Variants in NKD2 observed in about 807,000 individuals in gnomAD.
The protein encoded by NKD2 is protein naked cuticle homolog 2.
NKD2 carries 43 observed loss-of-function variants against 34.8 expected under a neutral mutation model. That is an observed-to-expected ratio of 1.24 (90% CI 0.97 to 1.60). The LOEUF is 1.60. Ranked by LOEUF, NKD2 falls within the 40% of genes most tolerant of loss-of-function variation. The pLI is 0.00. For missense variants in NKD2, 675 were observed against 627.1 expected (o/e 1.08, Z -0.82); for synonymous variants, 278 against 265.1 (o/e 1.05, Z -0.47).
chr5:1,033,599 C>T (rs562355719), intron 5 of NKD2, 100 bp downstream of exon 5: 19 of 1,347,910 alleles, frequency 1.4e-5, no homozygotes, highest in Admixed American at 5.1e-5. Context: ...GTGGACACGG[C>T]GTAGTTCACT....
intron 9 of NKD2, chr5:1,037,595 G>A: frequency 2.0e-6 from 3 of 1,535,976 alleles, no homozygotes; most frequent in Admixed American, 3.9e-5. Context: ...GTCGGCCTTT[G>A]CAGGGAGCTG....
chr5:1,036,700 C>A (rs1054837718), intron 9 of NKD2: 2 of 543,516 alleles, frequency 3.7e-6, no homozygotes, highest in African/African-American at 1.9e-5. Flanking sequence ...TTCAGGGAAA[C>A]CCTGCCTTGG....
At position 1,009,525 on chromosome 5, in the gene NKD2, G is replaced by T. The variant is rs1755665032; in HGVS notation, c.106G>T (p.Ala36Ser). 2.7e-6 allele frequency: 4 copies of T among 1,494,918 alleles called. No individual in the cohort carries two copies. Among genetic ancestry groups the T allele is most frequent in the Non-Finnish European group, 8.8e-7 (1 of 1,131,090 alleles). The allele number at this position is 1,494,918 out of a possible 1,614,324, so 92.6% of individuals were successfully genotyped here. ...ASAYASGRKG[A>S]EEAERRARDK... ...CGCGTACGCGAGCGGCCGCAAAGGCGCGGAGGAAGCGGAGCGGCGCGCGCG... is the reference window on the plus strand; with the variant it reads ...CGCGTACGCGAGCGGCCGCAAAGGCTCGGAGGAAGCGGAGCGGCGCGCGCG... Residue 36 changes from alanine to serine, a missense_variant, in exon 3 of 10, where the codon GCG becomes TCG. Physicochemically the swap from Ala to Ser is moderately conservative, Grantham distance 99 (BLOSUM62 1). Coordinates refer to ENST00000296849, the MANE Select transcript of NKD2 (RefSeq NM_033120.4). This position sits in a 1 kb window ranked among gnomAD's most constrained non-coding sequence, Gnocchi z 6.9.
intron 3 of NKD2, among the ~76,000 whole-genome samples, chr5:1,027,538 C>T (rs1301855428): frequency 6.6e-6 from 1 of 152,244 alleles, no homozygotes; most frequent in Non-Finnish European, 1.5e-5. Context: ...CCTCCACCCT[C>T]CCAACTCGTG....
intron 3 of NKD2, among the ~76,000 whole-genome samples, chr5:1,019,354 T>C (rs1474105216): frequency 1.3e-5 from 2 of 152,174 alleles, no homozygotes; most frequent in Non-Finnish European, 2.9e-5. Context: ...CTGAACAATT[T>C]TTACCTCTCA....
chr5:1,034,221 A>C lies in NKD2; in HGVS notation c.331-14A>C. 6.2e-7 allele frequency: 1 copy of C among 1,602,354 alleles called. No individual in the cohort carries two copies. Among genetic ancestry groups the C allele is most frequent in the Non-Finnish European group, 8.5e-7 (1 of 1,174,708 alleles). On this transcript the variant is annotated splice_polypyrimidine_tract_variant and intron_variant, in intron 5 of 9. Coordinates refer to ENST00000296849, the MANE Select transcript of NKD2 (RefSeq NM_033120.4). ...GGTAGGAGGCGAGGTCCCGGCCCCC[A>C]CGTCCCCCCACAGGCACTCCAGTGC...
At chr5:1,025,753 T>C (rs375197822) in intron 3 of NKD2, among the ~76,000 whole-genome samples, 289 of 30,384 alleles carry the variant, frequency 9.5e-3, no homozygotes, top group Middle Eastern at 0.022. Context: ...TGTGGGCGTC[T>C]CAGCCCATTG....
In NKD2 at chr5:1,009,299, C is replaced by A; in HGVS notation, c.61+85C>A. ...GCTAGGAGCCCGCGCGCGTCCTGCC[C>A]TGGAGCCAGCAGTGGGGGGACGGGG... On this transcript the variant is annotated intron_variant, in intron 2 of 9. Transcript: ENST00000296849. This position sits in a 1 kb window ranked among gnomAD's most constrained non-coding sequence, Gnocchi z 6.9. The A allele has an allele frequency of 2.0e-6, 1 of 505,802 alleles. No homozygotes were observed. 31.3% of individuals were successfully genotyped at this position (505,802 alleles called of 1,614,324 possible).
chr5:1,037,633 C>T lies in NKD2; in HGVS notation c.788-172C>T, dbSNP rs894555607. 3 of 1,535,980 alleles carry T rather than the reference C, an allele frequency of 2.0e-6. No individual in the cohort carries two copies. The African/African-American group carries it at 4.1e-5, about 21-fold the overall frequency. ...GAGCCAGGCAGGTCACCCACAGTGG[C>T]CAGGCCCCTTCCCTTCAGGGCTGGT... On this transcript the variant is annotated intron_variant, in intron 9 of 9. Coordinates refer to ENST00000296849, the MANE Select transcript of NKD2 (RefSeq NM_033120.4).
chr5:1,031,024 A>G (rs1294632459), intron 3 of NKD2, among the ~76,000 whole-genome samples: 1 of 152,120 alleles, frequency 6.6e-6, no homozygotes, highest in Non-Finnish European at 1.5e-5. Flanking sequence ...GCAGCTGGCC[A>G]GCCTGGAACC....
chr5:1,017,129 G>A (rs1042866307), intron 3 of NKD2, among the ~76,000 whole-genome samples: 3 of 152,210 alleles, frequency 2.0e-5, no homozygotes, highest in Middle Eastern at 3.2e-3. Context: ...TCACCAGGAC[G>A]TGCCTGGACA....
intron 3 of NKD2, among the ~76,000 whole-genome samples, chr5:1,020,400 C>A (rs1264587244): frequency 6.6e-6 from 1 of 152,142 alleles, no homozygotes; most frequent in Admixed American, 6.5e-5. Context: ...GAAGACATTT[C>A]ATTTCAAGAC....
intron 3 of NKD2, among the ~76,000 whole-genome samples, chr5:1,027,517 G>A (rs1039869141): frequency 1.2e-4 from 18 of 152,088 alleles, no homozygotes; most frequent in African/African-American, 3.6e-4. Context: ...CCTCTGCCTC[G>A]GCTCCCATCA....
At chr5:1,036,125 C>A in intron 8 of NKD2, 132 bp from the exon 9 acceptor site, 2 of 1,366,660 alleles carry the variant, frequency 1.5e-6, no homozygotes, top group Non-Finnish European at 1.9e-6. Flanking sequence ...CACTCTCCTT[C>A]CTGCTCTGCG....
At position 1,034,272 on chromosome 5, in the gene NKD2, G is replaced by T; in HGVS notation, c.368G>T (p.Arg123Leu). 6.2e-7 allele frequency: 1 copy of T among 1,611,920 alleles called. No individual in the cohort carries two copies. The highest frequency in any genetic ancestry group is 8.5e-7 in the Non-Finnish European group (1 of 1,179,622). ...GATGTCTCGGTGGAGGAGGACGACC[G>T]CCAGGAGTGGACGTTCACGCTCTAT... is the stretch of plus-strand genomic sequence containing the variant. ...QCDVSVEEDD[R>L]QEWTFTLYDF... Residue 123 changes from arginine to leucine, a missense_variant, in exon 6 of 10, where the codon CGC becomes CTC. By Grantham distance (102) the Arg-to-Leu change is moderately radical (BLOSUM62 -2). Coordinates refer to ENST00000296849, the MANE Select transcript of NKD2 (RefSeq NM_033120.4).
chr5:1,038,209 G>A lies in NKD2; in HGVS notation c.1192G>A (p.Ala398Thr). 1 of 1,591,324 alleles carries A rather than the reference G, an allele frequency of 6.3e-7. No individual in the cohort carries two copies. The highest frequency in any genetic ancestry group is 8.5e-7 in the Non-Finnish European group (1 of 1,171,334). Residue 398 changes from alanine to threonine, a missense_variant, in exon 10 of 10, where the codon GCC (alanine) becomes ACC (threonine). Coordinates refer to ENST00000296849, the MANE Select transcript of NKD2 (RefSeq NM_033120.4). The surrounding 1 kb of genome is among the most constrained non-coding windows in gnomAD (Gnocchi z 4.5). ...KGREGHSPLK[A>T]PHAQPATVEH... ...CAGGGAGGGCCACTCGCCACTCAAG[G>A]CCCCACACGCTCAGCCTGCCACAGT...
chr5:1,037,729 GC>G (rs1734064900), intron 9 of NKD2, 75 bp from the exon 10 acceptor site: 1 of 1,566,838 alleles, frequency 6.4e-7, no homozygotes, highest in African/African-American at 1.3e-5. Context: ...CTTCCAGTGG[GC>G]CCTGGGCCGT....
intron 3 of NKD2, among the ~76,000 whole-genome samples, chr5:1,012,470 C>T (rs771564218): frequency 1.2e-4 from 19 of 152,242 alleles, no homozygotes; most frequent in South Asian, 4.1e-4. Context: ...CCCCATGCCA[C>T]GGCCCTTCTG....
chr5:1,022,048 C>T (rs1240817365), intron 3 of NKD2, among the ~76,000 whole-genome samples: 2 of 151,440 alleles, frequency 1.3e-5, no homozygotes, highest in Non-Finnish European at 3.0e-5. Context: ...CCACCCTCCC[C>T]CTACCGCCAG....
Sources: allele counts gnomAD v4.1 joint callset (sites outside exome capture counted in the v4.1 genomes callset), GRCh38; gene constraint gnomAD v4.1.1; non-coding constraint Gnocchi (gnomAD v3.1); transcripts MANE v1.5; gene names NCBI Gene and HGNC (gene_info 2026-07-23, HGNC 2026-07-21).